Variants in GPHN observed in about 807,000 individuals in gnomAD.
The protein encoded by GPHN is gephyrin.
A neutral mutation model predicts 95.5 loss-of-function variants in GPHN; 17 were observed. The observed-to-expected ratio is 0.18, with a 90% CI of 0.12 to 0.27. GPHN has a LOEUF of 0.27. GPHN is among the 10% of genes least tolerant of loss of function. The probability of loss-of-function intolerance (pLI) is 1.00; values close to 1 mark genes in which losing one functional copy is unlikely to be tolerated. For synonymous variants in GPHN, 320 were observed against 322.5 expected (o/e 0.99, Z 0.08); for missense variants, 660 against 978.1 (o/e 0.67, Z 4.34).
intron 1 of GPHN, among the ~76,000 whole-genome samples, chr14:66,568,406 T>G (rs1239553324): frequency 5.3e-5 from 8 of 152,188 alleles, no homozygotes; most frequent in African/African-American, 1.9e-4. Flanking sequence ...TATTTTGATT[T>G]AATGGTAACA....
the GPHN span, chr14:67,581,125 C>T: frequency 8.4e-5 from 70 of 831,256 alleles, no homozygotes; most frequent in African/African-American, 1.1e-3. Context: ...ACAGCCTATC[C>T]AGACGGGGGG....
At chr14:67,572,114 G>A in the GPHN span, 1 of 1,599,800 alleles carries the variant, frequency 6.3e-7, no homozygotes, top group Non-Finnish European at 8.5e-7. Context: ...CCCGGGCCTT[G>A]ACTCCTCCTC....
intron 1 of GPHN, among the ~76,000 whole-genome samples, chr14:66,520,542 T>C (rs142723785): frequency 2.0e-4 from 31 of 152,224 alleles, no homozygotes; most frequent in African/African-American, 7.5e-4. Context: ...TCATGAACTC[T>C]TACTCTCCAT....
chr14:67,669,793 A>T, the GPHN span, among the ~76,000 whole-genome samples: 326 of 152,210 alleles, frequency 2.1e-3, no homozygotes, highest in African/African-American at 7.7e-3. Flanking sequence ...AGGCTGGTTA[A>T]TTTCTGCCTC....
At chr14:66,767,331 C>T (rs927004819) in intron 2 of GPHN, among the ~76,000 whole-genome samples, 1 of 151,266 alleles carries the variant, frequency 6.6e-6, no homozygotes, top group South Asian at 2.1e-4. Flanking sequence ...GTCACTAGCC[C>T]TGTATATCTT....
chr14:67,294,033 C>G, the GPHN span, among the ~76,000 whole-genome samples: 31 of 152,024 alleles, frequency 2.0e-4, no homozygotes, highest in Non-Finnish European at 3.5e-4. Flanking sequence ...ACTAAAGTGG[C>G]TTAAAGAGTA....
rs375516075 is a variant in GPHN, at chr14:66,800,535, TCTG to T, written c.202-23934_202-23932del. 8.7e-4 allele frequency among the ~76,000 whole-genome samples: 132 copies of T among 152,272 alleles called. 4 individuals carry two copies. The South Asian group carries it at 0.027, about 31-fold the overall frequency. On this transcript the variant is annotated intron_variant, in intron 3 of 22. Transcript: ENST00000478722. ...GGTCTATAAGGTTTCCACTGAAAAA[TCTG>T]CTGCCAAAAGTATTGGAGCTATATT...
At chr14:66,608,688 C>T (rs1462885878) in intron 1 of GPHN, among the ~76,000 whole-genome samples, 1 of 152,056 alleles carries the variant, frequency 6.6e-6, no homozygotes, top group African/African-American at 2.4e-5. Flanking sequence ...TGTGTATAGA[C>T]TTAAGGTAGT....
chr14:67,609,505 G>A, the GPHN span, among the ~76,000 whole-genome samples: 1 of 152,066 alleles, frequency 6.6e-6, no homozygotes, highest in Admixed American at 6.6e-5. Flanking sequence ...GCCATTGGTG[G>A]CCAACTCAAC....
chr14:67,367,004 A>G, the GPHN span, among the ~76,000 whole-genome samples: 1 of 152,094 alleles, frequency 6.6e-6, no homozygotes, highest in African/African-American at 2.4e-5. Flanking sequence ...TGGTGGTGAT[A>G]GTGGTGAGGG....
At chr14:67,647,196 G>GT in the GPHN span, 1 of 512,342 alleles carries the variant, frequency 2.0e-6, no homozygotes, top group Non-Finnish European at 3.4e-6. Flanking sequence ...TTCCTCTGGG[G>GT]TTTTTGGGAG....
chr14:66,519,174 G>A (rs904776843), intron 1 of GPHN, among the ~76,000 whole-genome samples: 5 of 151,854 alleles, frequency 3.3e-5, no homozygotes, highest in Non-Finnish European at 7.4e-5. Flanking sequence ...GAATTCTTAT[G>A]TCATTCTTTT....
the GPHN span, among the ~76,000 whole-genome samples, chr14:67,551,799 T>C: frequency 6.6e-6 from 1 of 152,016 alleles, no homozygotes; most frequent in Non-Finnish European, 1.5e-5. Flanking sequence ...CGAGAATCGC[T>C]TGAACCTGGG....
the GPHN span, among the ~76,000 whole-genome samples, chr14:67,275,472 A>G: frequency 1.3e-5 from 2 of 152,158 alleles, no homozygotes; most frequent in Non-Finnish European, 2.9e-5. Context: ...GATGAAGCCC[A>G]TTTGATTGTG....
chr14:67,188,513 A>G, the GPHN span, among the ~76,000 whole-genome samples: 1 of 152,230 alleles, frequency 6.6e-6, no homozygotes, highest in African/African-American at 2.4e-5. Context: ...GAACAGGAAC[A>G]TGGCAAGTTG....
the GPHN span, among the ~76,000 whole-genome samples, chr14:67,469,251 T>G: frequency 6.6e-6 from 1 of 152,152 alleles, no homozygotes; most frequent in African/African-American, 2.4e-5. Context: ...AACCCAGCTG[T>G]GACAGGGGGC....
At chr14:66,821,975 G>A (rs1040888451) in intron 3 of GPHN, among the ~76,000 whole-genome samples, 4 of 152,056 alleles carry the variant, frequency 2.6e-5, no homozygotes, top group Admixed American at 6.5e-5. Flanking sequence ...TGTTCGAGAC[G>A]GAGTCTTGCT....
intron 4 of GPHN, among the ~76,000 whole-genome samples, chr14:66,864,158 C>A (rs2063140880): frequency 1.3e-5 from 2 of 152,020 alleles, no homozygotes; most frequent in Admixed American, 1.3e-4. Context: ...GGCAAAAGAT[C>A]TGAATAGACA....
At chr14:66,526,943 T>G (rs1042320098) in intron 1 of GPHN, among the ~76,000 whole-genome samples, 1 of 152,146 alleles carries the variant, frequency 6.6e-6, no homozygotes, top group Non-Finnish European at 1.5e-5. Flanking sequence ...TTTCTTTTTT[T>G]GTTGTGTCTC....
Sources: allele counts gnomAD v4.1 joint callset (sites outside exome capture counted in the v4.1 genomes callset), GRCh38; gene constraint gnomAD v4.1.1; transcripts MANE v1.5; gene names NCBI Gene and HGNC (gene_info 2026-07-23, HGNC 2026-07-21).